The following NOD1 variants were observed in gnomAD, a reference collection of about 807,000 sequenced individuals.
The protein encoded by NOD1 is nucleotide-binding oligomerization domain-containing protein 1.
Under a neutral mutation model 81.2 loss-of-function variants are expected in NOD1, and 70 were observed. That is an observed-to-expected ratio of 0.86 (90% CI 0.71 to 1.05). The LOEUF (loss-of-function observed/expected upper bound fraction) is 1.05, where lower values mean the gene tolerates loss of function less well. Ranked by LOEUF, NOD1 falls within the 50% of genes least tolerant of loss-of-function variation. NOD1 has a pLI of 0.00. For missense variants in NOD1, 1,233 were observed against 1,228.0 expected, an observed-to-expected ratio of 1.00 and a Z score of -0.06; for synonymous variants, 508 against 526.9, an observed-to-expected ratio of 0.96 and a Z score of 0.49.
Position 30,448,294 on chromosome 7 carries a change from A to G in NOD1, c.2285+4T>C, listed in dbSNP as rs761422072. 3.1e-6 allele frequency: 5 copies of G among 1,611,258 alleles called. No homozygotes were observed. The South Asian group carries it at 3.3e-5, about 11-fold the overall frequency. On this transcript the variant is annotated splice_donor_region_variant and intron_variant, in intron 7 of 13. Transcript: ENST00000222823. ...TTGGCCCAGTGTTCTGGAGAAAGAC[A>G]TACCCCAAATAGGTCACAATTTTGT... is the stretch of plus-strand genomic sequence containing the variant.
At chr7:30,457,399 G>A (rs533164954) in intron 3 of NOD1, among the ~76,000 whole-genome samples, 7 of 152,124 alleles carry the variant, frequency 4.6e-5, no homozygotes, top group South Asian at 2.1e-4. Context: ...TGCAGTGAAC[G>A]ATGATCACAC....
At chr7:30,445,278 T>TAAAAAAAAAAAAAAAAAAAAAAAAAA (rs55875433) in intron 9 of NOD1, among the ~76,000 whole-genome samples, 1 of 69,176 alleles carries the variant, frequency 1.4e-5, no homozygotes, top group African/African-American at 7.0e-5. Flanking sequence ...AAAAAGAATC[T>TAAAAAAAAAAAAAAAAAAAAAAAAAA]AAAAAAAAAA....
Position 30,425,536 on chromosome 7 carries a change from C to T in NOD1, c.*102G>A, listed in dbSNP as rs1287693511. ...AGGCAGTGGACTCCTGATAGTCCCG[C>T]CTGCGCAGGCCCCTTTAAGACACTG... On this transcript the variant is annotated 3_prime_UTR_variant, in exon 14 of 14. Coordinates refer to ENST00000222823, the MANE Select transcript of NOD1 (RefSeq NM_006092.4). 10 of 846,486 alleles carry T rather than the reference C, an allele frequency of 1.2e-5. 1 individual carries two copies. The Admixed American group carries it at 1.8e-4, about 15-fold the overall frequency. The allele number at this position is 846,486 out of a possible 1,614,324, so 52.4% of individuals were successfully genotyped here. A position where few individuals can be genotyped will look rare whatever the true frequency, so the allele number is the denominator to read the frequency against.
chr7:30,430,858 C>T (rs1480538824), intron 12 of NOD1, among the ~76,000 whole-genome samples: 1 of 152,182 alleles, frequency 6.6e-6, no homozygotes, highest in Non-Finnish European at 1.5e-5. Flanking sequence ...CCAGCCATAC[C>T]CCACAAGGGC....
At chr7:30,471,218 G>T (rs942074611) in intron 1 of NOD1, among the ~76,000 whole-genome samples, 1 of 152,186 alleles carries the variant, frequency 6.6e-6, no homozygotes, top group Non-Finnish European at 1.5e-5. Context: ...ACCCTGAGTG[G>T]CATTAAGAGG....
At chr7:30,471,156 C>T (rs907944424) in intron 1 of NOD1, among the ~76,000 whole-genome samples, 1 of 150,692 alleles carries the variant, frequency 6.6e-6, no homozygotes, top group African/African-American at 2.5e-5. Flanking sequence ...ATCTAGGACA[C>T]AAACCTGTCA....
chr7:30,453,081 A>G, intron 5 of NOD1, 41 bp from the exon 6 acceptor site: 1 of 1,562,240 alleles, frequency 6.4e-7, no homozygotes, highest in Non-Finnish European at 8.7e-7. Context: ...CAGGGTGAGG[A>G]GAGAGGCAGA....
chr7:30,456,330 C>G (rs999536076), intron 4 of NOD1, among the ~76,000 whole-genome samples: 3 of 152,210 alleles, frequency 2.0e-5, no homozygotes, highest in African/African-American at 2.4e-5. Flanking sequence ...CATTCCTGAC[C>G]CTGAGTCGGT....
At chr7:30,450,942 T>C (rs1393673693) in intron 6 of NOD1, among the ~76,000 whole-genome samples, 1 of 152,204 alleles carries the variant, frequency 6.6e-6, no homozygotes, top group Non-Finnish European at 1.5e-5. Flanking sequence ...CCATAATTGA[T>C]AGGATTATGA....
chr7:30,433,030 A>C (rs1002707588), intron 12 of NOD1, 66 bp downstream of exon 12: 1 of 1,259,874 alleles, frequency 7.9e-7, no homozygotes, highest in African/African-American at 1.5e-5. Context: ...ACAGTATGTA[A>C]ATTTTATCTC....
At chr7:30,462,426 G>GTT (rs530513096) in intron 1 of NOD1, among the ~76,000 whole-genome samples, 20,326 of 136,144 alleles carry the variant, frequency 0.15, 1,547 homozygotes, top group Admixed American at 0.21. Flanking sequence ...GTTCTGATGG[G>GTT]TTTTTTTTTT....
chr7:30,452,767 C>A lies in NOD1; in HGVS notation c.650G>T (p.Ser217Ile). ...GKSMLLQRLQ[S>I]LWATGRLDAG... is the part of the protein sequence containing the mutation. ...GTCTAGCCGGCCCGTGGCCCAGAGG[C>A]TCTGCAGCCGCTGTAGCAGCATGGA... Residue 217 changes from serine (S) to isoleucine (I), a missense_variant, in exon 6 of 14, where the codon AGC becomes ATC. Transcript: ENST00000222823. 1 of 1,614,070 alleles carries A rather than the reference C, an allele frequency of 6.2e-7. No homozygotes were observed. The highest frequency in any genetic ancestry group is 8.5e-7 in the Non-Finnish European group (1 of 1,180,026).
At chr7:30,439,157 G>C (rs538721675) in intron 9 of NOD1, among the ~76,000 whole-genome samples, 1 of 152,268 alleles carries the variant, frequency 6.6e-6, no homozygotes, top group Admixed American at 6.5e-5. Context: ...TGCTGCCGTG[G>C]AAAACAGTAT....
intron 1 of NOD1, among the ~76,000 whole-genome samples, chr7:30,464,830 A>C (rs916587543): frequency 6.6e-6 from 1 of 152,200 alleles, no homozygotes; most frequent in African/African-American, 2.4e-5. Flanking sequence ...TGCTGTAAGG[A>C]TTAAGTGAGT....
At chr7:30,431,968 G>A (rs935050587) in intron 12 of NOD1, among the ~76,000 whole-genome samples, 2 of 152,128 alleles carry the variant, frequency 1.3e-5, no homozygotes, top group Non-Finnish European at 2.9e-5. Flanking sequence ...AGACAGGCAT[G>A]GTGGCTGATG....
At chr7:30,460,550 A>T (rs1214063192) in intron 1 of NOD1, 1 of 985,340 alleles carries the variant, frequency 1.0e-6, no homozygotes. Flanking sequence ...TACCCAAAGG[A>T]AAAAACCAAG....
At chr7:30,460,366 G>T in intron 1 of NOD1, 1 of 985,432 alleles carries the variant, frequency 1.0e-6, no homozygotes, top group Non-Finnish European at 1.2e-6. Context: ...TAAAGGGTGG[G>T]TCCAGTTGAT....
chr7:30,438,477 G>C (rs1784580101), intron 9 of NOD1, among the ~76,000 whole-genome samples: 1 of 152,194 alleles, frequency 6.6e-6, no homozygotes, highest in Non-Finnish European at 1.5e-5. Flanking sequence ...AACCGTGTGT[G>C]GCTCACACAA....
chr7:30,434,183 G>C (rs1222024086), intron 11 of NOD1, among the ~76,000 whole-genome samples: 2 of 152,210 alleles, frequency 1.3e-5, no homozygotes, highest in African/African-American at 2.4e-5. Flanking sequence ...CTTTGGGTCT[G>C]AGTTTTCTCA....
Sources: allele counts gnomAD v4.1 joint callset (sites outside exome capture counted in the v4.1 genomes callset), GRCh38; gene constraint gnomAD v4.1.1; transcripts MANE v1.5; gene names NCBI Gene and HGNC (gene_info 2026-07-23, HGNC 2026-07-21).